ACOX2: variants seen among roughly 807,000 people sequenced by gnomAD.
The protein encoded by ACOX2 is peroxisomal acyl-coenzyme A oxidase 2.
Under a neutral mutation model 77.5 loss-of-function variants are expected in ACOX2, and 59 were observed. That is an observed-to-expected ratio of 0.76 (90% CI 0.62 to 0.95). ACOX2 has a LOEUF of 0.95. Ranked by LOEUF, ACOX2 falls within the 40% of genes least tolerant of loss-of-function variation. The pLI, the probability that ACOX2 is intolerant of heterozygous loss-of-function variation, is 0.00. For missense variants in ACOX2, 837 were observed against 880.4 expected (o/e 0.95, Z 0.62); for synonymous variants, 317 against 340.1 (o/e 0.93, Z 0.75).
chr3:58,518,903 G>T, intron 12 of ACOX2, among the ~76,000 whole-genome samples: 1 of 150,816 alleles, frequency 6.6e-6, no homozygotes, highest in East Asian at 2.0e-4. Flanking sequence ...GCTTCCCAAA[G>T]TGCTGGGATT....
rs1412707524 is a variant in ACOX2 at position 58,535,599 on chromosome 3, T to C, written c.-91-402A>G. The stretch of plus-strand genomic sequence containing the variant: ...GTCTGACCACAAAGCACATGACTTG[T>C]CCATACTACAGCTCCACTGTGGAGG... On this transcript the variant is annotated intron_variant, in intron 1 of 14. Coordinates refer to ENST00000302819, the MANE Select transcript of ACOX2 (RefSeq NM_003500.4). This position sits in a 1 kb window ranked among gnomAD's most constrained non-coding sequence, Gnocchi z 4.8. 6.6e-6 allele frequency among the ~76,000 whole-genome samples: 1 copy of C among 152,100 alleles called. No homozygotes were observed. Among genetic ancestry groups the C allele is most frequent in the African/African-American group, 2.4e-5 (1 of 41,430 alleles).
chr3:58,536,470 A>ATT lies in ACOX2; in HGVS notation c.-92+648_-92+649insAA, dbSNP rs2063482015. On this transcript the variant is annotated intron_variant, in intron 1 of 14. Coordinates refer to ENST00000302819, the MANE Select transcript of ACOX2 (RefSeq NM_003500.4). Reference sequence around the variant, plus strand: ...TTATAAGGGTCATGCAACCACATGTAGCAAATGATTCATATGAGGCTTTCA... The same window carrying ATT: ...TTATAAGGGTCATGCAACCACATGTATTGCAAATGATTCATATGAGGCTTTCA... 2.6e-5 allele frequency among the ~76,000 whole-genome samples: 4 copies of ATT among 152,342 alleles called. No individual in the cohort carries two copies. The South Asian group carries it at 8.3e-4, about 32-fold the overall frequency.
chr3:58,533,069 C>T lies in ACOX2; in HGVS notation c.583+376G>A, dbSNP rs1384057647. Among the ~76,000 whole-genome samples, 13 of 152,134 alleles carry T rather than the reference C, an allele frequency of 8.5e-5. No individual in the cohort carries two copies. The highest frequency in any genetic ancestry group is 7.2e-4 in the Admixed American group (11 of 15,270). On this transcript the variant is annotated intron_variant, in intron 5 of 14. Transcript: ENST00000302819. The surrounding 1 kb of genome is among the most constrained non-coding windows in gnomAD (Gnocchi z 5.6). Reference sequence around the variant, plus strand: ...TGTCATCACAGGGCCTGTGCTCTGGCTGGTGGCAAGCTCTGCCACTAACTC... The same window carrying T: ...TGTCATCACAGGGCCTGTGCTCTGGTTGGTGGCAAGCTCTGCCACTAACTC...
Position 58,524,887 on chromosome 3 carries a change from A to T in ACOX2, c.1347-282T>A, listed in dbSNP as rs1039092714. ...GTGATCTGAGCAAACAGAATTTTCCATCAGAACACTGTGATTTTGGGATTT... is the reference window on the plus strand; with the variant it reads ...GTGATCTGAGCAAACAGAATTTTCCTTCAGAACACTGTGATTTTGGGATTT... On this transcript the variant is annotated intron_variant, in intron 10 of 14. Transcript: ENST00000302819. The surrounding 1 kb of genome is among the most constrained non-coding windows in gnomAD (Gnocchi z 5.5). Among the ~76,000 whole-genome samples, 48 of 152,226 alleles carry T rather than the reference A, an allele frequency of 3.2e-4. No homozygotes were observed. The highest frequency in any genetic ancestry group is 1.1e-3 in the African/African-American group (46 of 41,468).
rs757134506 is a variant in ACOX2 at position 58,524,522 on chromosome 3, A to G, written c.1430T>C (p.Leu477Pro). 2 of 1,614,150 alleles carry G rather than the reference A, an allele frequency of 1.2e-6. No individual in the cohort carries two copies. Among genetic ancestry groups the G allele is most frequent in the South Asian group, 2.2e-5 (2 of 91,070 alleles). ...QRSLSPSVAY[L>P]TAPDLARCPA... is the part of the protein sequence containing the mutation. ...ACACCTGGCCAGGTCAGGTGCGGTG[A>G]GATATGCGACAGATGGAGAGAGAGA... The change falls in exon 11 of 15, where the codon CTC becomes CCC. Residue 477 changes from leucine (L) to proline (P), a missense_variant. Coordinates refer to ENST00000302819, the MANE Select transcript of ACOX2 (RefSeq NM_003500.4). The surrounding 1 kb of genome is among the most constrained non-coding windows in gnomAD (Gnocchi z 5.5).
Position 58,531,951 on chromosome 3 carries a change from T to C in ACOX2, c.584-139A>G. ...AGTCACTGATCAAAGAGAGAGGGGA[T>C]TGCCCCCAAAGAACCAAGCAAACCT... On this transcript the variant is annotated intron_variant, in intron 5 of 14. Transcript: ENST00000302819. The surrounding 1 kb of genome is among the most constrained non-coding windows in gnomAD (Gnocchi z 5.8). 1 of 1,320,286 alleles carries C rather than the reference T, an allele frequency of 7.6e-7. No individual in the cohort carries two copies. Among genetic ancestry groups the C allele is most frequent in the South Asian group, 1.7e-5 (1 of 59,840 alleles). The allele number at this position is 1,320,286 out of a possible 1,614,324, so 81.8% of individuals were successfully genotyped here.
Position 58,524,335 on chromosome 3 carries a change from C to A in ACOX2, c.1526+91G>T. On this transcript the variant is annotated intron_variant, in intron 11 of 14. Transcript: ENST00000302819. This position sits in a 1 kb window ranked among gnomAD's most constrained non-coding sequence, Gnocchi z 5.5. ...CATGGGGTGGTTTTTAGAACTGAAT[C>A]CACGAATGTCCACCCAACCAATCCA... The A allele has an allele frequency of 6.7e-7, 1 of 1,494,020 alleles. No individual in the cohort carries two copies. Among genetic ancestry groups the A allele is most frequent in the Non-Finnish European group, 9.1e-7 (1 of 1,103,298 alleles). The allele number at this position is 1,494,020 out of a possible 1,614,324, so 92.5% of individuals were successfully genotyped here.
In ACOX2 at chr3:58,534,808, T is replaced by G. The variant is rs899411649; in HGVS notation, c.160+139A>C. 10 of 1,440,024 alleles carry G rather than the reference T, an allele frequency of 6.9e-6. No homozygotes were observed. In the African/African-American group the frequency reaches 1.4e-4, roughly 20 times the overall value. 89.2% of individuals were successfully genotyped at this position (1,440,024 alleles called of 1,614,324 possible). A position where few individuals can be genotyped will look rare whatever the true frequency, so the allele number is the denominator to read the frequency against. Reference sequence around the variant, plus strand: ...TGACATGTGAAGATTGTCTTTACAGTTCGAAGGAATGAATCTCTAACAGTG... The same window carrying G: ...TGACATGTGAAGATTGTCTTTACAGGTCGAAGGAATGAATCTCTAACAGTG... On this transcript the variant is annotated intron_variant, in intron 2 of 14. Coordinates refer to ENST00000302819, the MANE Select transcript of ACOX2 (RefSeq NM_003500.4). The surrounding 1 kb of genome is among the most constrained non-coding windows in gnomAD (Gnocchi z 4.8).
chr3:58,526,726 A>G lies in ACOX2; in HGVS notation c.1156-70T>C. 6.6e-7 allele frequency: 1 copy of G among 1,508,160 alleles called. No individual in the cohort carries two copies. The highest frequency in any genetic ancestry group is 2.3e-5 in the East Asian group (1 of 43,802). 93.4% of individuals were successfully genotyped at this position (1,508,160 alleles called of 1,614,324 possible). A position where few individuals can be genotyped will look rare whatever the true frequency, so the allele number is the denominator to read the frequency against. On this transcript the variant is annotated intron_variant, in intron 9 of 14. Transcript: ENST00000302819. The surrounding 1 kb of genome is among the most constrained non-coding windows in gnomAD (Gnocchi z 4.3). ...ACCATAGGGACCAACCCTGTGCACC[A>G]CTTACTGAGCATCTACTCATGCCCA... is the stretch of plus-strand genomic sequence containing the variant.
rs1312466529 is a variant in ACOX2 at position 58,525,907 on chromosome 3, C to T, written c.1346+559G>A. 6.6e-6 allele frequency among the ~76,000 whole-genome samples: 1 copy of T among 152,092 alleles called. No individual in the cohort carries two copies. Among genetic ancestry groups the T allele is most frequent in the African/African-American group, 2.4e-5 (1 of 41,412 alleles). On this transcript the variant is annotated intron_variant, in intron 10 of 14. Coordinates refer to ENST00000302819, the MANE Select transcript of ACOX2 (RefSeq NM_003500.4). This position sits in a 1 kb window ranked among gnomAD's most constrained non-coding sequence, Gnocchi z 5.0. Reference sequence around the variant, plus strand: ...GCATGGTGGTGTGTAATCCCAGCTACTGCGGAGGCTAAGGCAGGAGAATTG... The same window carrying T: ...GCATGGTGGTGTGTAATCCCAGCTATTGCGGAGGCTAAGGCAGGAGAATTG...
In ACOX2 at chr3:58,505,340, T is replaced by C; in HGVS notation, c.1984-54A>G. The C allele has an allele frequency of 2.1e-6, 3 of 1,415,778 alleles. No individual in the cohort carries two copies. Among genetic ancestry groups the C allele is most frequent in the Non-Finnish European group, 1.9e-6 (2 of 1,031,748 alleles). The allele number at this position is 1,415,778 out of a possible 1,614,324, so 87.7% of individuals were successfully genotyped here. A position where few individuals can be genotyped will look rare whatever the true frequency, so the allele number is the denominator to read the frequency against. Reference sequence around the variant, plus strand: ...CACAGTACATTTCTGCCAGGATTAATGACTTTCACTTTCAAATTAAGTCTC... The same window carrying C: ...CACAGTACATTTCTGCCAGGATTAACGACTTTCACTTTCAAATTAAGTCTC... On this transcript the variant is annotated intron_variant, in intron 14 of 14. Transcript: ENST00000302819. This position sits in a 1 kb window ranked among gnomAD's most constrained non-coding sequence, Gnocchi z 4.4.
rs552770421 is a variant in ACOX2, at chr3:58,521,321, G to C, written c.1632+1175C>G. 6.6e-6 allele frequency among the ~76,000 whole-genome samples: 1 copy of C among 152,218 alleles called. No homozygotes were observed. Among genetic ancestry groups the C allele is most frequent in the African/African-American group, 2.4e-5 (1 of 41,454 alleles). On this transcript the variant is annotated intron_variant, in intron 12 of 14. Coordinates refer to ENST00000302819, the MANE Select transcript of ACOX2 (RefSeq NM_003500.4). The surrounding 1 kb of genome is among the most constrained non-coding windows in gnomAD (Gnocchi z 4.8). ...CTCTGCAGCCCTTCAGGGCTCTCCT[G>C]TTCCAAGGCTGCCATTTTCTGGGTC...
rs755204798 is a variant in ACOX2, at chr3:58,519,694, A to T, written c.1633-2271T>A. Among the ~76,000 whole-genome samples, 7 of 152,192 alleles carry T rather than the reference A, an allele frequency of 4.6e-5. No homozygotes were observed. Among genetic ancestry groups the T allele is most frequent in the Non-Finnish European group, 1.0e-4 (7 of 68,036 alleles). ...CCGATCCGCTTTCTCACTTGGAAAG[A>T]ACTTGTGTTTCCTAGGGGGCCCTCA... On this transcript the variant is annotated intron_variant, in intron 12 of 14. Transcript: ENST00000302819. The surrounding 1 kb of genome is among the most constrained non-coding windows in gnomAD (Gnocchi z 5.0).
At chr3:58,517,132 T>C in intron 13 of ACOX2, 74 bp downstream of exon 13, 1 of 1,531,832 alleles carries the variant, frequency 6.5e-7, no homozygotes, top group Non-Finnish European at 9.0e-7. Context: ...GGTTTTGGAG[T>C]TGGAAGTGAC....
chr3:58,534,249 GT>G lies in ACOX2; in HGVS notation c.324-105del. ...GAGATAAAGGGCACCTAGCATCCTG[GT>G]TTCCCAACAAGTCTTCCCTTTGTTG... is the stretch of plus-strand genomic sequence containing the variant. On this transcript the variant is annotated intron_variant, in intron 3 of 14. Transcript: ENST00000302819. This position sits in a 1 kb window ranked among gnomAD's most constrained non-coding sequence, Gnocchi z 4.8. 1 of 1,575,346 alleles carries G rather than the reference GT, an allele frequency of 6.3e-7. No individual in the cohort carries two copies.
In ACOX2 at chr3:58,531,197, G is replaced by A. The variant is rs199639179; in HGVS notation, c.819+54C>T. 1,831 of 1,539,644 alleles carry A rather than the reference G, an allele frequency of 1.2e-3. 3 individuals carry two copies. Among genetic ancestry groups the A allele is most frequent in the Non-Finnish European group, 1.5e-3 (1,633 of 1,121,792 alleles). On this transcript the variant is annotated intron_variant, in intron 7 of 14. Coordinates refer to ENST00000302819, the MANE Select transcript of ACOX2 (RefSeq NM_003500.4). The surrounding 1 kb of genome is among the most constrained non-coding windows in gnomAD (Gnocchi z 5.8). ...AGGACCCAGGCCCAGCCTGCACAAAGCGCAGGTCCCCTCTCCAGGAAGTAC... is the reference window on the plus strand; with the variant it reads ...AGGACCCAGGCCCAGCCTGCACAAAACGCAGGTCCCCTCTCCAGGAAGTAC...
intron 5 of ACOX2, among the ~76,000 whole-genome samples, chr3:58,532,269 G>C (rs1343997334): frequency 1.3e-5 from 2 of 152,092 alleles, no homozygotes; most frequent in African/African-American, 4.8e-5. Flanking sequence ...TGGTCTGTCT[G>C]ATCTAAAAGG....
intron 8 of ACOX2, among the ~76,000 whole-genome samples, chr3:58,529,555 A>T (rs1199945304): frequency 6.6e-6 from 1 of 152,176 alleles, no homozygotes; most frequent in Non-Finnish European, 1.5e-5. Flanking sequence ...GCAGCTGCTT[A>T]CCTGGCGCAT....
intron 13 of ACOX2, among the ~76,000 whole-genome samples, chr3:58,509,789 A>G (rs1166179426): frequency 6.6e-6 from 1 of 151,514 alleles, no homozygotes; most frequent in East Asian, 2.0e-4. Flanking sequence ...TATTTTTAGT[A>G]GAGATGGGGT....
Sources: gnomAD v4.1 joint callset for allele counts (sites outside exome capture counted in the v4.1 genomes callset) on GRCh38, gnomAD v4.1.1 for gene constraint, Gnocchi (gnomAD v3.1) non-coding constraint, MANE v1.5 for transcripts, NCBI Gene and HGNC (gene_info 2026-07-23, HGNC 2026-07-21) for gene names.